STAC: variants seen among roughly 807,000 people sequenced by gnomAD.
The protein encoded by STAC is SH3 and cysteine rich domain.
A neutral mutation model predicts 48.8 loss-of-function variants in STAC; 43 were observed. The observed-to-expected ratio is 0.88, with a 90% CI of 0.69 to 1.14. The LOEUF (loss-of-function observed/expected upper bound fraction) is 1.14. STAC is among the 50% of genes most tolerant of loss of function. The pLI is 0.00. For missense variants in STAC, 497 were observed against 504.0 expected, an observed-to-expected ratio of 0.99 and a Z score of 0.13; for synonymous variants, 193 against 179.5, an observed-to-expected ratio of 1.07 and a Z score of -0.60.
chr3:36,481,836 A>C (rs968745484), intron 2 of STAC, among the ~76,000 whole-genome samples: 1 of 152,204 alleles, frequency 6.6e-6, no homozygotes, highest in African/African-American at 2.4e-5. Flanking sequence ...GTATGGCCAC[A>C]GCCATATGTC....
At chr3:36,417,203 G>C (rs1700338664) in intron 1 of STAC, among the ~76,000 whole-genome samples, 1 of 151,498 alleles carries the variant, frequency 6.6e-6, no homozygotes, top group Non-Finnish European at 1.5e-5. Flanking sequence ...AGAGGGAAGG[G>C]CCCTCCTTAA....
At chr3:36,494,650 C>T (rs1698090047) in intron 6 of STAC, among the ~76,000 whole-genome samples, 1 of 152,206 alleles carries the variant, frequency 6.6e-6, no homozygotes, top group South Asian at 2.1e-4. Context: ...CATGCCCCCC[C>T]TTGCCAGACC....
At chr3:36,425,778 C>A (rs565813826) in intron 1 of STAC, among the ~76,000 whole-genome samples, 4 of 152,274 alleles carry the variant, frequency 2.6e-5, no homozygotes. Context: ...GTAATCCCAG[C>A]ACTTTGGGAG....
chr3:36,543,878 T>A (rs1377641515), intron 10 of STAC, among the ~76,000 whole-genome samples: 1 of 152,196 alleles, frequency 6.6e-6, no homozygotes, highest in Non-Finnish European at 1.5e-5. Context: ...CTTGTGTGTA[T>A]ATGTCAATAA....
intron 1 of STAC, among the ~76,000 whole-genome samples, chr3:36,398,690 AAAAG>A (rs550062269): frequency 0.012 from 1,644 of 140,972 alleles, 48 homozygotes; most frequent in African/African-American, 0.024. Flanking sequence ...AGAAAGAAAG[AAAAG>A]AAAGAAAGAA....
At chr3:36,513,396 T>C (rs919661739) in intron 8 of STAC, among the ~76,000 whole-genome samples, 1 of 152,198 alleles carries the variant, frequency 6.6e-6, no homozygotes, top group African/African-American at 2.4e-5. Context: ...TATTTGATGC[T>C]CAATTCCTAC....
chr3:36,437,678 A>G (rs1296278500), intron 1 of STAC, among the ~76,000 whole-genome samples: 2 of 150,020 alleles, frequency 1.3e-5, no homozygotes, highest in African/African-American at 2.5e-5. Flanking sequence ...CCTAATGCTA[A>G]ATGACGAGTT....
chr3:36,423,788 CT>C (rs1700501096), intron 1 of STAC, among the ~76,000 whole-genome samples: 1 of 152,086 alleles, frequency 6.6e-6, no homozygotes, highest in Non-Finnish European at 1.5e-5. Flanking sequence ...CAGCAATTAT[CT>C]GTTGCTACAA....
At chr3:36,388,252 A>T (rs1041075802) in intron 1 of STAC, among the ~76,000 whole-genome samples, 3 of 152,266 alleles carry the variant, frequency 2.0e-5, no homozygotes, top group African/African-American at 7.2e-5. Flanking sequence ...ACATTTATTC[A>T]TCGAAAGGGT....
intron 1 of STAC, among the ~76,000 whole-genome samples, chr3:36,387,441 T>C (rs1027897184): frequency 6.6e-6 from 1 of 152,056 alleles, no homozygotes; most frequent in Non-Finnish European, 1.5e-5. Context: ...ATCTTTATCA[T>C]CTCCAACTGT....
chr3:36,382,608 T>C (rs541946580), intron 1 of STAC, among the ~76,000 whole-genome samples: 1 of 152,306 alleles, frequency 6.6e-6, no homozygotes, highest in African/African-American at 2.4e-5. Flanking sequence ...CCCTAGGAAA[T>C]TGAATGCAAT....
intron 2 of STAC, among the ~76,000 whole-genome samples, chr3:36,450,402 T>G (rs1575208119): frequency 6.6e-6 from 1 of 152,230 alleles, no homozygotes; most frequent in African/African-American, 2.4e-5. Flanking sequence ...CTGACACAGA[T>G]ACCCTCTTCC....
intron 1 of STAC, among the ~76,000 whole-genome samples, chr3:36,410,223 T>C (rs1023271067): frequency 2.0e-5 from 3 of 152,210 alleles, no homozygotes; most frequent in African/African-American, 7.2e-5. Context: ...TATTACTATA[T>C]ATATAGATTT....
chr3:36,503,105 A>G (rs1387817268), intron 6 of STAC, among the ~76,000 whole-genome samples: 1 of 152,168 alleles, frequency 6.6e-6, no homozygotes, highest in African/African-American at 2.4e-5. Context: ...CCCTCCCTCT[A>G]CTGACATTTC....
At chr3:36,494,328 T>C (rs1480230335) in intron 6 of STAC, among the ~76,000 whole-genome samples, 1 of 152,140 alleles carries the variant, frequency 6.6e-6, no homozygotes, top group Non-Finnish European at 1.5e-5. Flanking sequence ...AGCAAAAGTG[T>C]ATTAGTCAAA....
chr3:36,481,020 G>A (rs1697631877), intron 2 of STAC, among the ~76,000 whole-genome samples: 1 of 152,192 alleles, frequency 6.6e-6, no homozygotes, highest in African/African-American at 2.4e-5. Context: ...AGAGGAAAAG[G>A]ATAATTTAGA....
chr3:36,522,670 G>C (rs948386204), intron 8 of STAC, among the ~76,000 whole-genome samples: 2 of 152,314 alleles, frequency 1.3e-5, no homozygotes, highest in South Asian at 4.1e-4. Context: ...AAAGGCCCTA[G>C]GGCATTCTGC....
chr3:36,436,424 C>T (rs187901100), intron 1 of STAC, among the ~76,000 whole-genome samples: 272 of 152,272 alleles, frequency 1.8e-3, no homozygotes, highest in African/African-American at 6.3e-3. Context: ...ATGCCATGAC[C>T]TACAAGGTCC....
rs552647100 is a variant in STAC, at chr3:36,448,636, G to C, written c.388+4996G>C. ...AGGTGGCAATGTTTGGCCTGGAAAAGACTTTGAAAACTGTTATCTTCAAAT... is the reference window on the plus strand; with the variant it reads ...AGGTGGCAATGTTTGGCCTGGAAAACACTTTGAAAACTGTTATCTTCAAAT... On this transcript the variant is annotated intron_variant, in intron 2 of 10. Transcript: ENST00000273183. 2.0e-5 allele frequency among the ~76,000 whole-genome samples: 3 copies of C among 152,302 alleles called. No homozygotes were observed. The East Asian group carries it at 5.8e-4, about 29-fold the overall frequency.
Sources: allele counts gnomAD v4.1 joint callset (sites outside exome capture counted in the v4.1 genomes callset), GRCh38; gene constraint gnomAD v4.1.1; transcripts MANE v1.5; gene names NCBI Gene and HGNC (gene_info 2026-07-23, HGNC 2026-07-21).